ZNF335: variants seen among roughly 807,000 people sequenced by gnomAD.
The protein encoded by ZNF335 is NRC-interacting factor 1.
ZNF335 carries 84 observed loss-of-function variants against 145.6 expected under a neutral mutation model. The observed-to-expected ratio is 0.58, with a 90% CI of 0.48 to 0.69. The LOEUF is 0.69. Ranked by LOEUF, ZNF335 falls within the 30% of genes least tolerant of loss-of-function variation. The pLI, the probability that ZNF335 is intolerant of heterozygous loss-of-function variation, is 0.00. For synonymous variants in ZNF335, 761 were observed against 717.0 expected (o/e 1.06, Z -0.98); for missense variants, 1,865 against 1,809.7 (o/e 1.03, Z -0.55).
At chr20:45,966,743 G>A (rs1464558478) in intron 6 of ZNF335, 1 of 151,612 alleles carries the variant, frequency 6.6e-6, no homozygotes, top group African/African-American at 2.4e-5. Flanking sequence ...AGTAGAGACG[G>A]GGTTTCACCA....
Position 45,968,370 on chromosome 20 carries a change from G to A in ZNF335, c.443-8C>T. On this transcript the variant is annotated splice_polypyrimidine_tract_variant and splice_region_variant and intron_variant, in intron 3 of 27. Coordinates refer to ENST00000322927, the MANE Select transcript of ZNF335 (RefSeq NM_022095.4). ...TGGTCACAGTGATGCAGTCTGGGCAGAGATGGGGAAGGGTCACACCTCCTG... is the reference window on the plus strand; with the variant it reads ...TGGTCACAGTGATGCAGTCTGGGCAAAGATGGGGAAGGGTCACACCTCCTG... 6.2e-7 allele frequency: 1 copy of A among 1,608,138 alleles called. No individual in the cohort carries two copies. The highest frequency in any genetic ancestry group is 8.5e-7 in the Non-Finnish European group (1 of 1,175,480).
intron 3 of ZNF335, 56 bp downstream of exon 3, chr20:45,969,395 A>G: frequency 6.9e-7 from 1 of 1,450,756 alleles, no homozygotes; most frequent in Middle Eastern, 2.1e-4. Context: ...GGGTGGGCAC[A>G]GCTGGCTGCC....
rs773421451 is a variant in ZNF335 at position 45,959,307 on chromosome 20, G to T, written c.2147C>A (p.Pro716His). Reference protein sequence around the residue: ...EEWGRRHPEEPPSRRRPFFSL... With the variant: ...EEWGRRHPEEHPSRRRPFFSL... Reference sequence around the variant, plus strand: ...GAAGAAGGGGCGACGGCGGGAGGGGGGCTCCTCAGGGTGGCGCCTCCCCCA... The same window carrying T: ...GAAGAAGGGGCGACGGCGGGAGGGGTGCTCCTCAGGGTGGCGCCTCCCCCA... The change falls in exon 15 of 28, where the codon CCC (proline) becomes CAC (histidine). Residue 716 changes from proline (P) to histidine (H), a missense_variant. Coordinates refer to ENST00000322927, the MANE Select transcript of ZNF335 (RefSeq NM_022095.4). 4 of 1,569,852 alleles carry T rather than the reference G, an allele frequency of 2.5e-6. No homozygotes were observed. The highest frequency in any genetic ancestry group is 3.5e-6 in the Non-Finnish European group (4 of 1,154,346).
chr20:45,950,366 G>A lies in ZNF335; in HGVS notation c.3340C>T (p.Arg1114Cys), dbSNP rs755817052. 2 of 1,598,458 alleles carry A rather than the reference G, an allele frequency of 1.3e-6. No homozygotes were observed. The highest frequency in any genetic ancestry group is 1.7e-5 in the Admixed American group (1 of 59,376). ...ATGTGGAACTTGAGGTGCCCGTTAC[G>A]GTTGAAACTGAGGGGGATGAAAGGT... is the stretch of plus-strand genomic sequence containing the variant. ...ACHLCGQRFN[R>C]NGHLKFHIQR... Residue 1114 changes from arginine to cysteine, a missense_variant, in exon 22 of 28, where the codon CGT becomes TGT. Coordinates refer to ENST00000322927, the MANE Select transcript of ZNF335 (RefSeq NM_022095.4).
chr20:45,967,567 G>T lies in ZNF335; in HGVS notation c.882C>A (p.Ser294Arg). 1 of 1,614,020 alleles carries T rather than the reference G, an allele frequency of 6.2e-7. No homozygotes were observed. The highest frequency in any genetic ancestry group is 8.5e-7 in the Non-Finnish European group (1 of 1,180,020). The change falls in exon 6 of 28, where the codon AGC (serine) becomes AGA (arginine). Residue 294 changes from serine to arginine, a missense_variant. Physicochemically the swap from Ser to Arg is moderately radical, Grantham distance 110 (BLOSUM62 -1). Transcript: ENST00000322927. ...CCTCCTCTGGTCCCTCTTCCTCTTG[G>T]CTCTTGGTGGAGGTGCTCCACTTCC... is the stretch of plus-strand genomic sequence containing the variant. ...RLRKWSTSTK[S>R]QEEEGPEEED...
intron 5 of ZNF335, 47 bp from the exon 6 acceptor site, chr20:45,967,681 A>C: frequency 6.2e-7 from 1 of 1,610,456 alleles, no homozygotes; most frequent in Non-Finnish European, 8.5e-7. Context: ...TCTGGCTCCC[A>C]GCACCCCACC....
intron 14 of ZNF335, 129 bp downstream of exon 14, chr20:45,960,079 T>C (rs749697718): frequency 3.1e-5 from 34 of 1,095,220 alleles, no homozygotes; most frequent in African/African-American, 8.0e-5. Context: ...CTCTTTACAC[T>C]TGAAGGACTT....
chr20:45,968,159 G>A, intron 4 of ZNF335, 126 bp downstream of exon 4: 1 of 1,501,422 alleles, frequency 6.7e-7, no homozygotes, highest in Non-Finnish European at 9.2e-7. Flanking sequence ...CCCGTCAGTA[G>A]GAAAACTGAG....
At chr20:45,954,472 G>A (rs1348089329) in intron 17 of ZNF335, among the ~76,000 whole-genome samples, 4 of 152,258 alleles carry the variant, frequency 2.6e-5, no homozygotes, top group Non-Finnish European at 2.9e-5. Context: ...AAAATAAAAC[G>A]TAGGTAAGTA....
intron 2 of ZNF335, 38 bp downstream of exon 2, chr20:45,971,172 T>C: frequency 6.7e-7 from 1 of 1,487,314 alleles, no homozygotes; most frequent in African/African-American, 1.4e-5. Context: ...CTGCTCGCGG[T>C]CCTTGCCTCC....
intron 14 of ZNF335, 131 bp downstream of exon 14, chr20:45,960,077 A>G: frequency 9.3e-7 from 1 of 1,071,852 alleles, no homozygotes; most frequent in Non-Finnish European, 1.3e-6. Flanking sequence ...TTCTCTTTAC[A>G]CTTGAAGGAC....
At position 45,965,637 on chromosome 20, in the gene ZNF335, G is replaced by C. The variant is rs1270965361; in HGVS notation, c.1093C>G (p.Leu365Val). 1 of 1,599,424 alleles carries C rather than the reference G, an allele frequency of 6.3e-7. No homozygotes were observed. The highest frequency in any genetic ancestry group is 8.5e-7 in the Non-Finnish European group (1 of 1,174,192). ...RKLPRLEISD[L>V]PDGVEGEPLV... Reference sequence around the variant, plus strand: ...CAAGACCAAGCCTCACCATCTGGGAGGTCTGAGATCTCCAGGCGGGGCAGC... The same window carrying C: ...CAAGACCAAGCCTCACCATCTGGGACGTCTGAGATCTCCAGGCGGGGCAGC... Residue 365 changes from leucine (L) to valine (V), a missense_variant, in exon 7 of 28, where the codon CTC (leucine) becomes GTC (valine). Physicochemically the swap from Leu to Val is conservative, Grantham distance 32. Transcript: ENST00000322927.
Position 45,957,596 on chromosome 20 carries a change from G to C in ZNF335, c.2432C>G (p.Thr811Arg), listed in dbSNP as rs753572196. ...NMSAQRELGG[T>R]ALQVAVVKSE... ...TCCCAGGCAGCTCACCTGCAGGGCT[G>C]TGCCCCCCAGTTCCCGCTGAGCACT... Residue 811 changes from threonine to arginine, a missense_variant, in exon 17 of 28, where the codon ACA becomes AGA. By Grantham distance (71) the Thr-to-Arg change is moderately conservative. Coordinates refer to ENST00000322927, the MANE Select transcript of ZNF335 (RefSeq NM_022095.4). 1 of 1,614,110 alleles carries C rather than the reference G, an allele frequency of 6.2e-7. No homozygotes were observed. The highest frequency in any genetic ancestry group is 8.5e-7 in the Non-Finnish European group (1 of 1,180,000).
At chr20:45,968,750 C>A (rs1032950851) in intron 3 of ZNF335, 3 of 212,344 alleles carry the variant, frequency 1.4e-5, no homozygotes, top group Non-Finnish European at 2.9e-5. Context: ...GGTGCTATAG[C>A]CTCTATAAAT....
At chr20:45,966,874 C>CT (rs1166827943) in intron 6 of ZNF335, 27 of 107,518 alleles carry the variant, frequency 2.5e-4, no homozygotes, top group Admixed American at 1.6e-3. Context: ...TTTTTTTTTT[C>CT]TTTTTTTTGA....
In ZNF335 at chr20:45,963,460, T is replaced by C. The variant is rs1240569011; in HGVS notation, c.1533+13A>G. On this transcript the variant is annotated intron_variant, in intron 9 of 27. Coordinates refer to ENST00000322927, the MANE Select transcript of ZNF335 (RefSeq NM_022095.4). ...ACCCTCCCATGAGCCCCAAGCCTCT[T>C]TGGCTCCCGCACCTTGAGCGAGGAC... 3.7e-6 allele frequency: 6 copies of C among 1,604,986 alleles called. No homozygotes were observed. The South Asian group carries it at 6.6e-5, about 18-fold the overall frequency.
Position 45,971,214 on chromosome 20 carries a change from G to T in ZNF335, c.197C>A (p.Ser66Tyr). 1 of 1,538,796 alleles carries T rather than the reference G, an allele frequency of 6.5e-7. No individual in the cohort carries two copies. ...VGQSSDRGSR[S>Y]QEEVSESSSS... Reference sequence around the variant, plus strand: ...GCCGTCCAGCCGGGTCCATACCTGAGAACGGCTGCCGCGGTCCGAGCTTTG... The same window carrying T: ...GCCGTCCAGCCGGGTCCATACCTGATAACGGCTGCCGCGGTCCGAGCTTTG... The change falls in exon 2 of 28, where the codon TCT (serine) becomes TAT (tyrosine). Residue 66 changes from serine to tyrosine, a missense_variant. Physicochemically the swap from Ser to Tyr is moderately radical, Grantham distance 144 (BLOSUM62 -2). Coordinates refer to ENST00000322927, the MANE Select transcript of ZNF335 (RefSeq NM_022095.4).
rs758520864 is a variant in ZNF335, at chr20:45,960,309, T to C, written c.1919A>G (p.Gln640Arg). Residue 640 changes from glutamine to arginine, a missense_variant, in exon 14 of 28, where the codon CAG becomes CGG. Transcript: ENST00000322927. Reference protein sequence around the residue: ...CEDKKALLNHQLSHVSDKPFK... With the variant: ...CEDKKALLNHRLSHVSDKPFK... ...GGGCTTGTCACTGACGTGGGACAACTGGTGGTTCAGCAGTGCCTTCTTGTC... is the reference window on the plus strand; with the variant it reads ...GGGCTTGTCACTGACGTGGGACAACCGGTGGTTCAGCAGTGCCTTCTTGTC... 2.5e-6 allele frequency: 4 copies of C among 1,614,202 alleles called. No individual in the cohort carries two copies. Among genetic ancestry groups the C allele is most frequent in the East Asian group, 2.2e-5 (1 of 44,880 alleles).
rs41305805 is a variant in ZNF335 at position 45,959,287 on chromosome 20, A to C, written c.2167T>G (p.Phe723Val). 31,862 of 1,553,462 alleles carry C rather than the reference A, an allele frequency of 0.021. 385 individuals carry two copies. The highest frequency in any genetic ancestry group is 0.023 in the Non-Finnish European group (26,316 of 1,145,438). ...TCCTCAATCTGCTGCAGAGAGAAGAAGGGGCGACGGCGGGAGGGGGGCTCC... is the reference window on the plus strand; with the variant it reads ...TCCTCAATCTGCTGCAGAGAGAAGACGGGGCGACGGCGGGAGGGGGGCTCC... ...PEEPPSRRRPFFSLQQIEELK... is the reference protein window; with the variant it reads ...PEEPPSRRRPVFSLQQIEELK... The change falls in exon 15 of 28, where the codon TTC (phenylalanine) becomes GTC (valine). Residue 723 changes from phenylalanine to valine, a missense_variant. Phe to Val is a conservative substitution (Grantham distance 50). Coordinates refer to ENST00000322927, the MANE Select transcript of ZNF335 (RefSeq NM_022095.4).
Sources: allele counts gnomAD v4.1 joint callset (sites outside exome capture counted in the v4.1 genomes callset), GRCh38; gene constraint gnomAD v4.1.1; transcripts MANE v1.5; gene names NCBI Gene and HGNC (gene_info 2026-07-23, HGNC 2026-07-21).